Variants in TPRG1 observed in about 807,000 individuals in gnomAD.
The protein encoded by TPRG1 is tumor protein p63-regulated gene 1 protein.
Under a neutral mutation model 29.3 loss-of-function variants are expected in TPRG1, and 29 were observed. The ratio of observed to expected loss-of-function variants is 0.99; its 90% CI spans 0.74 to 1.35. The LOEUF (loss-of-function observed/expected upper bound fraction) is 1.35, where lower values mean the gene tolerates loss of function less well. TPRG1 is among the 40% of genes most tolerant of loss of function. TPRG1 has a pLI of 0.00. For missense variants in TPRG1, 327 were observed against 335.0 expected (o/e 0.98, Z 0.19); for synonymous variants, 130 against 116.8 (o/e 1.11, Z -0.73).
chr3:189,321,019 C>A lies in TPRG1; in HGVS notation c.*199C>A. 2 of 421,702 alleles carry A rather than the reference C, an allele frequency of 4.7e-6. No homozygotes were observed. Among genetic ancestry groups the A allele is most frequent in the Non-Finnish European group, 8.2e-6 (2 of 245,242 alleles). 26.1% of individuals were successfully genotyped at this position (421,702 alleles called of 1,614,324 possible). A position where few individuals can be genotyped will look rare whatever the true frequency, so the allele number is the denominator to read the frequency against. ...ACTTTAGACCTCATACAAGAATAAT[C>A]AAATTTTCTTAAAACTAGAAAATAA... On this transcript the variant is annotated 3_prime_UTR_variant, in exon 6 of 6. Transcript: ENST00000345063.
At chr3:189,004,753 T>C (rs559347519) in exon 3 of TPRG1, 2 of 152,272 alleles carry the variant, frequency 1.3e-5, no homozygotes, top group South Asian at 2.1e-4. Context: ...CAGCCTCTAG[T>C]ATTCAGTGTA....
At chr3:189,119,263 T>C (rs1449735021) in intron 1 of TPRG1, among the ~76,000 whole-genome samples, 1 of 152,208 alleles carries the variant, frequency 6.6e-6, no homozygotes, top group African/African-American at 2.4e-5. Context: ...ATTTCTCCCA[T>C]GTAGAATGGG....
At chr3:189,019,675 A>C (rs1442412031) in intron 3 of TPRG1, among the ~76,000 whole-genome samples, 5 of 151,960 alleles carry the variant, frequency 3.3e-5, no homozygotes, top group Non-Finnish European at 7.4e-5. Flanking sequence ...TTCATCAAGG[A>C]TATTGGTCTA....
chr3:189,017,069 C>A (rs970020254), intron 3 of TPRG1, among the ~76,000 whole-genome samples: 37 of 152,154 alleles, frequency 2.4e-4, no homozygotes, highest in Admixed American at 2.2e-3. Context: ...CTTTCAGGTA[C>A]CCCAATCAGT....
At chr3:189,116,309 T>G (rs1009895071) in intron 1 of TPRG1, among the ~76,000 whole-genome samples, 1 of 151,988 alleles carries the variant, frequency 6.6e-6, no homozygotes, top group Non-Finnish European at 1.5e-5. Flanking sequence ...CCTGAGTAGC[T>G]GGGATTGCAG....
intron 4 of TPRG1, among the ~76,000 whole-genome samples, chr3:189,266,926 C>T (rs1276307143): frequency 1.3e-5 from 2 of 151,854 alleles, no homozygotes; most frequent in Non-Finnish European, 2.9e-5. Context: ...TTGCTGCACC[C>T]AGATCTTGGA....
At chr3:189,029,888 G>A (rs1377143348) in intron 4 of TPRG1, among the ~76,000 whole-genome samples, 1 of 152,036 alleles carries the variant, frequency 6.6e-6, no homozygotes, top group African/African-American at 2.4e-5. Context: ...ATTGCCTTCC[G>A]CTATGATTGG....
At chr3:189,281,890 A>G (rs1218653640) in intron 4 of TPRG1, among the ~76,000 whole-genome samples, 1 of 151,812 alleles carries the variant, frequency 6.6e-6, no homozygotes, top group African/African-American at 2.4e-5. Context: ...TTTATTTTTT[A>G]TTTTTTTGGA....
intron 3 of TPRG1, among the ~76,000 whole-genome samples, chr3:189,021,627 G>T (rs1490497504): frequency 1.3e-5 from 2 of 152,258 alleles, no homozygotes; most frequent in East Asian, 3.9e-4. Flanking sequence ...GCTTCCCTTT[G>T]AGGGTAACCT....
At chr3:189,205,677 A>G (rs989143446) in intron 1 of TPRG1, among the ~76,000 whole-genome samples, 5 of 152,212 alleles carry the variant, frequency 3.3e-5, no homozygotes, top group African/African-American at 1.2e-4. Flanking sequence ...GAAAATGGAC[A>G]TGAAACTTTC....
At chr3:189,199,264 C>T (rs1419711471) in intron 1 of TPRG1, among the ~76,000 whole-genome samples, 1 of 152,302 alleles carries the variant, frequency 6.6e-6, no homozygotes, top group East Asian at 1.9e-4. Flanking sequence ...CCAATTTGCT[C>T]AGTTGGAGTC....
At chr3:189,217,085 T>C (rs568041498) in intron 3 of TPRG1, among the ~76,000 whole-genome samples, 1 of 152,366 alleles carries the variant, frequency 6.6e-6, no homozygotes, top group South Asian at 2.1e-4. Flanking sequence ...TATGCTTTTT[T>C]TGTTTGCTTG....
intron 1 of TPRG1, among the ~76,000 whole-genome samples, chr3:189,115,773 T>C (rs1198115959): frequency 1.3e-5 from 2 of 152,230 alleles, no homozygotes; most frequent in African/African-American, 2.4e-5. Context: ...GCATTCACTA[T>C]GGAGGAGGCC....
intron 3 of TPRG1, among the ~76,000 whole-genome samples, chr3:189,014,490 G>A (rs1712818132): frequency 6.6e-6 from 1 of 152,032 alleles, no homozygotes; most frequent in Non-Finnish European, 1.5e-5. Flanking sequence ...GTGTCTTGGG[G>A]TAATCTTCTC....
chr3:189,128,423 G>A (rs1722737745), intron 2 of TPRG1, among the ~76,000 whole-genome samples: 1 of 152,092 alleles, frequency 6.6e-6, no homozygotes. Context: ...GAAAAAAATT[G>A]TTTTAAGTAT....
intron 4 of TPRG1, among the ~76,000 whole-genome samples, chr3:189,064,804 C>T (rs1716331455): frequency 6.6e-6 from 1 of 152,156 alleles, no homozygotes; most frequent in Non-Finnish European, 1.5e-5. Flanking sequence ...AAAAATTAGA[C>T]ACCACAAAAA....
chr3:189,170,460 T>C (rs911424522), upstream of TPRG1, among the ~76,000 whole-genome samples: 8 of 152,242 alleles, frequency 5.3e-5, no homozygotes, highest in African/African-American at 1.9e-4. Flanking sequence ...TCCACCGCTG[T>C]GCAGCCTTCC....
chr3:189,098,312 C>T (rs187818795), upstream of TPRG1, among the ~76,000 whole-genome samples: 7 of 152,114 alleles, frequency 4.6e-5, no homozygotes, highest in South Asian at 2.1e-4. Flanking sequence ...GAAAATAAGA[C>T]GAAAGGAAGG....
rs988804286 is a variant in TPRG1 at position 189,287,163 on chromosome 3, T to G, written c.480-23223T>G. Among the ~76,000 whole-genome samples the G allele has an allele frequency of 4.6e-5, 7 of 152,176 alleles. No individual in the cohort carries two copies. The East Asian group carries it at 7.7e-4, about 17-fold the overall frequency. ...GCACCGTGTAGCCTCACTCTGCATT[T>G]CAGACAGGAAGAAAGGGAAAAGAGA... is the stretch of plus-strand genomic sequence containing the variant. On this transcript the variant is annotated intron_variant, in intron 4 of 5. Coordinates refer to ENST00000345063, the MANE Select transcript of TPRG1 (RefSeq NM_198485.4).
Sources: allele counts gnomAD v4.1 joint callset (sites outside exome capture counted in the v4.1 genomes callset), GRCh38; gene constraint gnomAD v4.1.1; transcripts MANE v1.5; gene names NCBI Gene and HGNC (gene_info 2026-07-23, HGNC 2026-07-21).